The following TMTC2 variants were observed in gnomAD, a reference collection of about 807,000 sequenced individuals.
TMTC2 encodes transmembrane O-mannosyltransferase targeting cadherins 2, also known as protein O-mannosyl-transferase TMTC2.
A neutral mutation model predicts 82.4 loss-of-function variants in TMTC2; 43 were observed. The observed-to-expected ratio is 0.52, with a 90% CI of 0.41 to 0.67. TMTC2 has a LOEUF of 0.67. Among genes scored for constraint, TMTC2 ranks in the 30% least tolerant of loss-of-function variants. TMTC2 has a pLI of 0.00. For synonymous variants in TMTC2, 408 were observed against 381.9 expected, an observed-to-expected ratio of 1.07 and a Z score of -0.80; for missense variants, 919 against 1,012.4, an observed-to-expected ratio of 0.91 and a Z score of 1.25.
At chr12:82,867,235 A>G (rs903557005) in intron 2 of TMTC2, among the ~76,000 whole-genome samples, 2 of 152,204 alleles carry the variant, frequency 1.3e-5, no homozygotes, top group Admixed American at 6.5e-5. Context: ...TTCAGTAATT[A>G]TGGTCTTGAT....
At chr12:82,693,892 T>A (rs1872681092) in intron 1 of TMTC2, among the ~76,000 whole-genome samples, 1 of 139,430 alleles carries the variant, frequency 7.2e-6, no homozygotes, top group South Asian at 2.2e-4. Flanking sequence ...CTCTTGAAAC[T>A]GGAAGGCGGA....
chr12:83,012,701 T>C (rs2137389306), intron 8 of TMTC2, among the ~76,000 whole-genome samples: 1 of 152,266 alleles, frequency 6.6e-6, no homozygotes, highest in Admixed American at 6.5e-5. Context: ...CTGATAGTCT[T>C]GGAATGGGAA....
chr12:83,004,200 T>G (rs969139112), intron 8 of TMTC2, among the ~76,000 whole-genome samples: 1 of 152,190 alleles, frequency 6.6e-6, no homozygotes, highest in Non-Finnish European at 1.5e-5. Flanking sequence ...CCTTGTGAAT[T>G]TTTCACTTCC....
At chr12:82,836,411 T>G (rs1227894474) in intron 1 of TMTC2, among the ~76,000 whole-genome samples, 1 of 152,186 alleles carries the variant, frequency 6.6e-6, no homozygotes, top group Admixed American at 6.5e-5. Context: ...AGAAGGAGGC[T>G]GGAGAGTCAG....
chr12:82,896,744 G>A, intron 3 of TMTC2, 98 bp downstream of exon 3: 1 of 960,788 alleles, frequency 1.0e-6, no homozygotes, highest in East Asian at 2.6e-5. Flanking sequence ...AGGAGGAAGA[G>A]GTCCTTTTAT....
intron 4 of TMTC2, among the ~76,000 whole-genome samples, chr12:82,951,631 C>T (rs546273995): frequency 6.6e-6 from 1 of 152,144 alleles, no homozygotes; most frequent in African/African-American, 2.4e-5. Flanking sequence ...GGAATTTAAC[C>T]TTTTAAAGAA....
chr12:82,760,914 A>G lies in TMTC2; in HGVS notation c.83+73245A>G, dbSNP rs969037416. 9.4e-5 allele frequency: 35 copies of G among 374,156 alleles called. 1 individual carries two copies. Among genetic ancestry groups the G allele is most frequent in the Non-Finnish European group, 1.7e-4 (32 of 184,182 alleles). The allele number at this position is 374,156 out of a possible 1,614,324, so 23.2% of individuals were successfully genotyped here. On this transcript the variant is annotated intron_variant, in intron 1 of 11. Coordinates refer to ENST00000321196, the MANE Select transcript of TMTC2 (RefSeq NM_152588.3). ...CAGGAAAACAAGCTCAGGACTCAGG[A>G]CTCCCACTGATTATACATTATGGTG...
At chr12:83,049,203 G>C (rs1008901696) in intron 9 of TMTC2, among the ~76,000 whole-genome samples, 1 of 152,074 alleles carries the variant, frequency 6.6e-6, no homozygotes, top group Non-Finnish European at 1.5e-5. Context: ...ACACGTGCAG[G>C]TTTGCTATGT....
rs1239021136 is a variant in TMTC2 at position 83,039,941 on chromosome 12, G to A, written c.2152+9062G>A. ...TAATATGGTGTGTCCTTACTCCAGA[G>A]TTATGAAAATTTGCAGAAAATAAAG... On this transcript the variant is annotated intron_variant, in intron 9 of 11. Transcript: ENST00000321196. Among the ~76,000 whole-genome samples the A allele has an allele frequency of 4.6e-5, 7 of 152,324 alleles. 1 individual carries two copies. Among genetic ancestry groups the A allele is most frequent in the Non-Finnish European group, 8.8e-5 (6 of 68,028 alleles).
intron 3 of TMTC2, among the ~76,000 whole-genome samples, chr12:82,922,280 A>G (rs1412810140): frequency 6.6e-6 from 1 of 152,216 alleles, no homozygotes; most frequent in Non-Finnish European, 1.5e-5. Flanking sequence ...ATGTTAATGA[A>G]AATACAAAGT....
At chr12:82,809,681 A>T (rs1431200199) in intron 1 of TMTC2, among the ~76,000 whole-genome samples, 53 of 152,124 alleles carry the variant, frequency 3.5e-4, no homozygotes, top group Non-Finnish European at 4.4e-5. Context: ...TACGTGTTGG[A>T]GGCAGGAGCA....
intron 4 of TMTC2, among the ~76,000 whole-genome samples, chr12:82,930,838 A>G (rs1003941990): frequency 1.3e-5 from 2 of 152,178 alleles, no homozygotes; most frequent in African/African-American, 4.8e-5. Context: ...TGTTTGTTCC[A>G]TTAATACTTA....
chr12:82,695,313 GT>G (rs1418788221), intron 1 of TMTC2, among the ~76,000 whole-genome samples: 1 of 152,066 alleles, frequency 6.6e-6, no homozygotes, highest in Non-Finnish European at 1.5e-5. Flanking sequence ...ATGAAATTCT[GT>G]TTCCTTTTTT....
At chr12:83,086,471 C>T (rs1024158152) in intron 11 of TMTC2, among the ~76,000 whole-genome samples, 14 of 152,146 alleles carry the variant, frequency 9.2e-5, no homozygotes, top group Middle Eastern at 3.2e-3. Flanking sequence ...GGTTCTGTCA[C>T]CCAGTTCCAG....
rs528076999 is a variant in TMTC2, at chr12:83,004,722, A to ATTTTTTTTTTTTT, written c.2070+18709_2070+18721dup. On this transcript the variant is annotated intron_variant, in intron 8 of 11. Transcript: ENST00000321196. ...TTCACAGGCAGTGTATACTGGCCGA[A>ATTTTTTTTTTTTT]TTTTTTTTTTTTTTTTTTTTTTTTT... 5.3e-4 allele frequency among the ~76,000 whole-genome samples: 19 copies of ATTTTTTTTTTTTT among 36,032 alleles called. 6 individuals are homozygous for ATTTTTTTTTTTTT. Among genetic ancestry groups the ATTTTTTTTTTTTT allele is most frequent in the South Asian group, 1.5e-3 (1 of 688 alleles). 23.6% of individuals were successfully genotyped at this position (36,032 alleles called of 152,430 possible).
rs941298808 is a variant in TMTC2 at position 82,970,489 on chromosome 12, G to A, written c.1948+3492G>A. On this transcript the variant is annotated intron_variant, in intron 7 of 11. Transcript: ENST00000321196. ...TGGGACTACAGGCGCCCGCCACCGC[G>A]CCCGGCTAATTTTTTTTGTATTTTT... 3.5e-5 allele frequency among the ~76,000 whole-genome samples: 5 copies of A among 142,428 alleles called. 1 individual carries two copies. The highest frequency in any genetic ancestry group is 1.1e-4 in the African/African-American group (4 of 36,408). 93.4% of individuals were successfully genotyped at this position (142,428 alleles called of 152,430 possible). A position where few individuals can be genotyped will look rare whatever the true frequency, so the allele number is the denominator to read the frequency against.
At chr12:82,865,320 A>G (rs946640681) in intron 2 of TMTC2, among the ~76,000 whole-genome samples, 9 of 152,206 alleles carry the variant, frequency 5.9e-5, no homozygotes, top group Non-Finnish European at 1.3e-4. Flanking sequence ...AGGAAGATCT[A>G]CCAAGCAAAT....
chr12:82,825,838 C>G (rs968945523), intron 1 of TMTC2, among the ~76,000 whole-genome samples: 2 of 150,854 alleles, frequency 1.3e-5, no homozygotes, highest in Non-Finnish European at 2.9e-5. Flanking sequence ...AGTGTGTTCA[C>G]TCTGTGATAG....
intron 1 of TMTC2, among the ~76,000 whole-genome samples, chr12:82,695,977 A>G (rs1221165745): frequency 6.6e-5 from 10 of 152,206 alleles, no homozygotes; most frequent in Admixed American, 6.5e-4. Flanking sequence ...CAGTTGTAAA[A>G]TGTCTCAAGG....
Sources: gnomAD v4.1 joint callset for allele counts (sites outside exome capture counted in the v4.1 genomes callset) on GRCh38, gnomAD v4.1.1 for gene constraint, MANE v1.5 for transcripts, NCBI Gene and HGNC (gene_info 2026-07-23, HGNC 2026-07-21) for gene names.